The following PUSL1 variants were observed in gnomAD, a reference collection of about 807,000 sequenced individuals.
PUSL1 encodes the protein pseudouridine synthase like 1, also known as tRNA pseudouridine synthase-like 1.
PUSL1 carries 51 observed loss-of-function variants against 30.7 expected under a neutral mutation model. The observed-to-expected ratio is 1.66, with a 90% CI of 1.33 to 2.10. The LOEUF is 2.10. Among genes scored for constraint, PUSL1 ranks in the 30% most tolerant of loss-of-function variants. PUSL1 has a pLI of 0.00. For missense variants in PUSL1, 609 were observed against 427.6 expected, an observed-to-expected ratio of 1.42 and a Z score of -3.74; for synonymous variants, 290 against 192.1, an observed-to-expected ratio of 1.51 and a Z score of -4.21.
chr1:1,310,085 C>T, intron 5 of PUSL1: 1 of 525,074 alleles, frequency 1.9e-6, no homozygotes, highest in Non-Finnish European at 3.4e-6. Context: ...AAAACCCCTG[C>T]CATGCCTGAT....
In PUSL1 at chr1:1,311,046, C is replaced by G. The variant is rs1208494032; in HGVS notation, c.837C>G (p.Leu279=). 6.2e-7 allele frequency: 1 copy of G among 1,610,316 alleles called. No individual in the cohort carries two copies. The highest frequency in any genetic ancestry group is 1.7e-5 in the Admixed American group (1 of 59,946). The stretch of plus-strand genomic sequence containing the variant: ...TAGCCCCAGCCCACGGCTTATTCCT[C>G]AAGTCAGTGCTGTACGGGAACCTCG... ...TRVAPAHGLF[L]KSVLYGNLGA... The change falls in exon 7 of 8, where the codon CTC becomes CTG. Residue 279 remains leucine, a synonymous_variant. Coordinates refer to ENST00000379031, the MANE Select transcript of PUSL1 (RefSeq NM_153339.3).
In PUSL1 at chr1:1,309,766, C is replaced by G. The variant is rs1433236830; in HGVS notation, c.559C>G (p.Pro187Ala). ...CAGCGCCTTCCAGTCCGCTGGCAGCCCGGTGCCGAGCCCCGTGCGAACGCT... is the reference window on the plus strand; with the variant it reads ...CAGCGCCTTCCAGTCCGCTGGCAGCGCGGTGCCGAGCCCCGTGCGAACGCT... ...DFSAFQSAGS[P>A]VPSPVRTLRR... Residue 187 changes from proline to alanine, a missense_variant, in exon 5 of 8, where the codon CCG (proline) becomes GCG (alanine). Transcript: ENST00000379031. 5 of 1,576,486 alleles carry G rather than the reference C, an allele frequency of 3.2e-6. No homozygotes were observed. The highest frequency in any genetic ancestry group is 4.3e-6 in the Non-Finnish European group (5 of 1,161,470).
rs141683763 is a variant in PUSL1, at chr1:1,311,609, C to G, written c.*230C>G. 1.4e-6 allele frequency: 1 copy of G among 716,514 alleles called. No homozygotes were observed. Among genetic ancestry groups the G allele is most frequent in the Non-Finnish European group, 2.5e-6 (1 of 398,648 alleles). The allele number at this position is 716,514 out of a possible 1,614,324, so 44.4% of individuals were successfully genotyped here. A position where few individuals can be genotyped will look rare whatever the true frequency, so the allele number is the denominator to read the frequency against. On this transcript the variant is annotated 3_prime_UTR_variant, in exon 8 of 8. Transcript: ENST00000379031. ...AGAGAGTACCAAGTAGTCTTTTGTT[C>G]AGCTTTTACTGGAAACTGCTGTCTA...
intron 5 of PUSL1, 87 bp from the exon 6 acceptor site, chr1:1,310,547 C>G: frequency 2.8e-6 from 3 of 1,083,976 alleles, no homozygotes; most frequent in Non-Finnish European, 4.1e-6. Flanking sequence ...TTAGGCCCAC[C>G]CTGTCACTCT....
chr1:1,310,692 G>A lies in PUSL1; in HGVS notation c.699+4G>A. ...CCAGTCTTTCCTGTATAGACAGGTA[G>A]GCTCTGTTCTGGGGCCGTCCCCAGG... On this transcript the variant is annotated splice_donor_region_variant and intron_variant, in intron 6 of 7. Coordinates refer to ENST00000379031, the MANE Select transcript of PUSL1 (RefSeq NM_153339.3). The A allele has an allele frequency of 6.2e-7, 1 of 1,609,700 alleles. No homozygotes were observed. The highest frequency in any genetic ancestry group is 1.1e-5 in the South Asian group (1 of 90,992).
At chr1:1,310,736 G>A (rs769983674) in intron 6 of PUSL1, 48 bp downstream of exon 6, 2 of 1,605,316 alleles carry the variant, frequency 1.2e-6, no homozygotes, top group East Asian at 2.2e-5. Context: ...CTGAGGGTGG[G>A]CAGGCCCCTG....
rs148995795 is a variant in PUSL1 at position 1,309,727 on chromosome 1, G to C, written c.520G>C (p.Gly174Arg). The C allele has an allele frequency of 1.9e-6, 3 of 1,599,214 alleles. No homozygotes were observed. Among genetic ancestry groups the C allele is most frequent in the African/African-American group, 2.7e-5 (2 of 74,654 alleles). ...GCAGGAAGCCGCCCAGCACCTCCTC[G>C]GCACACACGACTTCAGCGCCTTCCA... ...AMQEAAQHLL[G>R]THDFSAFQSA... The change falls in exon 5 of 8, where the codon GGC (glycine) becomes CGC (arginine). Residue 174 changes from glycine (G) to arginine (R), a missense_variant. Physicochemically the swap from Gly to Arg is moderately radical, Grantham distance 125 (BLOSUM62 -2). Coordinates refer to ENST00000379031, the MANE Select transcript of PUSL1 (RefSeq NM_153339.3).
intron 2 of PUSL1, 54 bp from the exon 3 acceptor site, chr1:1,309,032 C>T: frequency 1.4e-6 from 2 of 1,389,184 alleles, no homozygotes. Context: ...CCCGCCCGCG[C>T]GTCCCCGGGG....
rs1474698156 is a variant in PUSL1, at chr1:1,309,394, C to T, written c.324-60C>T. ...TCGGAGCTCGAGGGGGAAGGAGAGC[C>T]AATGTGACACCGCGGGCGGGCGGGG... is the stretch of plus-strand genomic sequence containing the variant. On this transcript the variant is annotated intron_variant, in intron 3 of 7. Coordinates refer to ENST00000379031, the MANE Select transcript of PUSL1 (RefSeq NM_153339.3). 21 of 1,519,524 alleles carry T rather than the reference C, an allele frequency of 1.4e-5. No homozygotes were observed. In the South Asian group the frequency reaches 2.3e-4, roughly 17 times the overall value. The allele number at this position is 1,519,524 out of a possible 1,614,324, so 94.1% of individuals were successfully genotyped here. A position where few individuals can be genotyped will look rare whatever the true frequency, so the allele number is the denominator to read the frequency against.
chr1:1,310,672 C>T lies in PUSL1; in HGVS notation c.683C>T (p.Ser228Phe), dbSNP rs375410849. 5 of 1,592,188 alleles carry T rather than the reference C, an allele frequency of 3.1e-6. No individual in the cohort carries two copies. Among genetic ancestry groups the T allele is most frequent in the African/African-American group, 1.3e-5 (1 of 74,134 alleles). The change falls in exon 6 of 8, where the codon TCT (serine) becomes TTT (phenylalanine). Residue 228 changes from serine to phenylalanine, a missense_variant. Ser to Phe is a radical substitution (Grantham distance 155, BLOSUM62 -2). Transcript: ENST00000379031. ...TGGAACCTGGAGTTTGAGAGCCAGT[C>T]TTTCCTGTATAGACAGGTAGGCTCT... ...RFWNLEFESQ[S>F]FLYRQVRRMT...
Position 1,309,844 on chromosome 1 carries a change from G to A in PUSL1, c.637G>A (p.Glu213Lys), listed in dbSNP as rs776835978. ...AGCCAGCCCCTTGGTCACCCCCGAGGAGAGCAGGTGAGGAAGGGCCCCTGG... is the reference window on the plus strand; with the variant it reads ...AGCCAGCCCCTTGGTCACCCCCGAGAAGAGCAGGTGAGGAAGGGCCCCTGG... ...GQASPLVTPE[E>K]SRKLRFWNLE... The change falls in exon 5 of 8, where the codon GAG becomes AAG. Residue 213 changes from glutamate to lysine, a missense_variant. By Grantham distance (56) the Glu-to-Lys change is moderately conservative. Transcript: ENST00000379031. 1.2e-5 allele frequency: 18 copies of A among 1,517,598 alleles called. No individual in the cohort carries two copies. The highest frequency in any genetic ancestry group is 9.7e-5 in the African/African-American group (7 of 72,140). 94.0% of individuals were successfully genotyped at this position (1,517,598 alleles called of 1,614,324 possible).
intron 1 of PUSL1, 68 bp from the exon 2 acceptor site, chr1:1,308,847 G>A (rs961458825): frequency 4.9e-6 from 7 of 1,427,646 alleles, no homozygotes; most frequent in African/African-American, 3.0e-5. Flanking sequence ...AGCGGCCCTG[G>A]CCTCAGACGG....
In PUSL1 at chr1:1,311,433, C is replaced by T; in HGVS notation, c.*54C>T. On this transcript the variant is annotated 3_prime_UTR_variant, in exon 8 of 8. Coordinates refer to ENST00000379031, the MANE Select transcript of PUSL1 (RefSeq NM_153339.3). ...ACACCAGGCCCAACCCTGTGCTGGTCAAGCCAGGGCAGTCACAGCTGCTTG... is the reference window on the plus strand; with the variant it reads ...ACACCAGGCCCAACCCTGTGCTGGTTAAGCCAGGGCAGTCACAGCTGCTTG... The T allele has an allele frequency of 6.5e-7, 1 of 1,548,888 alleles. No homozygotes were observed.
In PUSL1 at chr1:1,310,008, C is replaced by T. The variant is rs578155086; in HGVS notation, c.644+157C>T. On this transcript the variant is annotated intron_variant, in intron 5 of 7. Transcript: ENST00000379031. ...TGGAGGGGATTCGCCCGGACGCCCC[C>T]CAGCCTCCAGCTGTGCCCTCCCCCC... The T allele has an allele frequency of 1.4e-5, 8 of 578,120 alleles. No individual in the cohort carries two copies. In the African/African-American group the frequency reaches 1.5e-4, roughly 11 times the overall value. 35.8% of individuals were successfully genotyped at this position (578,120 alleles called of 1,614,324 possible).
At chr1:1,310,583 G>A (rs761841338) in intron 5 of PUSL1, 51 bp from the exon 6 acceptor site, 3 of 1,386,038 alleles carry the variant, frequency 2.2e-6, no homozygotes, top group African/African-American at 1.4e-5. Flanking sequence ...ATAGTAGGCT[G>A]AGGATGGCAA....
At position 1,309,785 on chromosome 1, in the gene PUSL1, G is replaced by C. The variant is rs1472045057; in HGVS notation, c.578G>C (p.Arg193Pro). ...GGCAGCCCGGTGCCGAGCCCCGTGC[G>C]AACGCTGCGCCGGGTCTCCGTTTCC... is the stretch of plus-strand genomic sequence containing the variant. ...SAGSPVPSPV[R>P]TLRRVSVSPG... is the part of the protein sequence containing the mutation. The change falls in exon 5 of 8, where the codon CGA (arginine) becomes CCA (proline). Residue 193 changes from arginine (R) to proline (P), a missense_variant. Coordinates refer to ENST00000379031, the MANE Select transcript of PUSL1 (RefSeq NM_153339.3). The C allele has an allele frequency of 2.6e-6, 4 of 1,561,324 alleles. No homozygotes were observed. The highest frequency in any genetic ancestry group is 3.5e-6 in the Non-Finnish European group (4 of 1,153,012).
intron 5 of PUSL1, 102 bp from the exon 6 acceptor site, chr1:1,310,532 C>T (rs919722542): frequency 3.8e-5 from 35 of 922,526 alleles, no homozygotes; most frequent in East Asian, 1.5e-4. Flanking sequence ...GAACCAGGCT[C>T]GTCTTTAGGC....
In PUSL1 at chr1:1,309,242, C is replaced by T. The variant is rs978129488; in HGVS notation, c.292C>T (p.Leu98Phe). ...PFPPEVLAEA[L>F]NTHLRHPAIR... ...CCCGCCCGAGGTCCTGGCCGAGGCC[C>T]TCAACACACACCTGCGGCACCCGGC... The change falls in exon 3 of 8, where the codon CTC (leucine) becomes TTC (phenylalanine). Residue 98 changes from leucine to phenylalanine, a missense_variant. Coordinates refer to ENST00000379031, the MANE Select transcript of PUSL1 (RefSeq NM_153339.3). 7 of 1,511,162 alleles carry T rather than the reference C, an allele frequency of 4.6e-6. No homozygotes were observed. The highest frequency in any genetic ancestry group is 6.2e-6 in the Non-Finnish European group (7 of 1,136,306). The allele number at this position is 1,511,162 out of a possible 1,614,324, so 93.6% of individuals were successfully genotyped here.
At chr1:1,310,836 A>G in intron 6 of PUSL1, 73 bp from the exon 7 acceptor site, 1 of 1,608,836 alleles carries the variant, frequency 6.2e-7, no homozygotes, top group Non-Finnish European at 8.5e-7. Context: ...GCTCTGGGTC[A>G]CAGGTACGGA....
Sources: allele counts gnomAD v4.1 joint callset, GRCh38; gene constraint gnomAD v4.1.1; transcripts MANE v1.5; gene names NCBI Gene and HGNC (gene_info 2026-07-23, HGNC 2026-07-21).